Variants in LSAMP observed in about 807,000 individuals in gnomAD.
LSAMP encodes the protein limbic system-associated membrane protein.
LSAMP carries 7 observed loss-of-function variants against 38.6 expected under a neutral mutation model. The observed-to-expected ratio is 0.18, with a 90% CI of 0.10 to 0.34. LSAMP has a LOEUF of 0.34. Among genes scored for constraint, LSAMP ranks in the 10% least tolerant of loss-of-function variants. The pLI is 1.00. For synonymous variants in LSAMP, 154 were observed against 166.8 expected (o/e 0.92, Z 0.59); for missense variants, 313 against 420.0 (o/e 0.75, Z 2.23).
At chr3:115,964,582 A>T (rs1200416917) in intron 3 of LSAMP, among the ~76,000 whole-genome samples, 3 of 152,190 alleles carry the variant, frequency 2.0e-5, no homozygotes, top group Non-Finnish European at 4.4e-5. Flanking sequence ...AAGTACAAAA[A>T]CTAGCAGGAA....
intron 1 of LSAMP, among the ~76,000 whole-genome samples, chr3:116,366,013 TAAAAAA>T (rs67452614): frequency 1.4e-4 from 4 of 28,686 alleles, no homozygotes; most frequent in Non-Finnish European, 1.8e-4. Context: ...TAGAGTATAA[TAAAAAA>T]AAAAAAAAAA....
chr3:115,831,469 A>G (rs1934608862), intron 6 of LSAMP, among the ~76,000 whole-genome samples: 1 of 152,156 alleles, frequency 6.6e-6, no homozygotes, highest in African/African-American at 2.4e-5. Context: ...GCTGGTTTCA[A>G]CACTTCATTC....
chr3:116,243,339 A>C (rs2046563936), intron 1 of LSAMP, among the ~76,000 whole-genome samples: 1 of 152,208 alleles, frequency 6.6e-6, no homozygotes, highest in African/African-American at 2.4e-5. Context: ...TGGGAACCAA[A>C]GACATGAAAG....
intron 3 of LSAMP, among the ~76,000 whole-genome samples, chr3:115,876,433 T>C (rs60599111): frequency 0.19 from 29,140 of 151,588 alleles, 3,643 homozygotes; most frequent in African/African-American, 0.34. Context: ...AAGAAATGAG[T>C]GTGTATTGGT....
intron 3 of LSAMP, among the ~76,000 whole-genome samples, chr3:115,901,519 T>C (rs1936873832): frequency 6.6e-6 from 1 of 152,134 alleles, no homozygotes; most frequent in Non-Finnish European, 1.5e-5. Flanking sequence ...ACCCAACTTT[T>C]TGTTCTACTC....
At chr3:116,267,246 A>C (rs1217221867) in intron 1 of LSAMP, among the ~76,000 whole-genome samples, 1 of 152,176 alleles carries the variant, frequency 6.6e-6, no homozygotes, top group Non-Finnish European at 1.5e-5. Context: ...AATGTTAGAA[A>C]TGTAAGTGAA....
At chr3:116,430,211 GAT>G (rs1179621335) in intron 1 of LSAMP, among the ~76,000 whole-genome samples, 15 of 152,230 alleles carry the variant, frequency 9.9e-5, no homozygotes, top group Middle Eastern at 3.4e-3. Flanking sequence ...CCTCTCTTTT[GAT>G]ATGTTTGCAA....
intron 1 of LSAMP, among the ~76,000 whole-genome samples, chr3:116,143,400 T>C (rs1389462746): frequency 1.3e-5 from 2 of 151,958 alleles, no homozygotes; most frequent in African/African-American, 4.8e-5. Context: ...TACTACTTAA[T>C]AGCACAACAG....
intron 1 of LSAMP, among the ~76,000 whole-genome samples, chr3:116,280,786 TG>T (rs2047117413): frequency 1.3e-5 from 2 of 152,200 alleles, no homozygotes; most frequent in South Asian, 4.1e-4. Context: ...CTCTAGCCAG[TG>T]AAAGTGGCCA....
intron 3 of LSAMP, among the ~76,000 whole-genome samples, chr3:115,907,706 GT>G (rs1215434977): frequency 6.6e-6 from 1 of 152,110 alleles, no homozygotes; most frequent in Admixed American, 6.6e-5. Context: ...TTGAGAAATG[GT>G]TTATGAGTCT....
intron 1 of LSAMP, among the ~76,000 whole-genome samples, chr3:116,230,686 G>A (rs558635065): frequency 8.5e-5 from 13 of 152,182 alleles, no homozygotes; most frequent in African/African-American, 2.4e-4. Flanking sequence ...TTGTTGAAAT[G>A]TTCACCAATT....
chr3:116,124,446 T>C (rs1374110286), intron 1 of LSAMP, among the ~76,000 whole-genome samples: 2 of 152,206 alleles, frequency 1.3e-5, no homozygotes, highest in Middle Eastern at 3.2e-3. Flanking sequence ...TCTCAAACTT[T>C]GAAAAGTTGA....
chr3:116,308,021 C>T (rs1015074458), intron 1 of LSAMP, among the ~76,000 whole-genome samples: 3 of 151,844 alleles, frequency 2.0e-5, no homozygotes, highest in Non-Finnish European at 4.4e-5. Flanking sequence ...TTAATGCATT[C>T]GTAAAATGCC....
At chr3:115,813,337 A>G (rs1466156645) in intron 6 of LSAMP, among the ~76,000 whole-genome samples, 1 of 152,134 alleles carries the variant, frequency 6.6e-6, no homozygotes, top group East Asian at 1.9e-4. Flanking sequence ...TCTCTATAGT[A>G]ACATGCTTAC....
intron 1 of LSAMP, among the ~76,000 whole-genome samples, chr3:116,312,781 A>T (rs2047574434): frequency 6.6e-6 from 1 of 152,198 alleles, no homozygotes; most frequent in Admixed American, 6.5e-5. Context: ...AATGAAAACA[A>T]GAGAATAATG....
intron 3 of LSAMP, among the ~76,000 whole-genome samples, chr3:115,974,820 A>C (rs1185978901): frequency 1.3e-5 from 2 of 152,138 alleles, no homozygotes; most frequent in Non-Finnish European, 2.9e-5. Flanking sequence ...TAAGATAAAA[A>C]GTCTAATGGT....
At chr3:116,134,309 A>G (rs1167944141) in intron 1 of LSAMP, among the ~76,000 whole-genome samples, 1 of 152,180 alleles carries the variant, frequency 6.6e-6, no homozygotes, top group Non-Finnish European at 1.5e-5. Context: ...ACATGTCTGT[A>G]ACTTTATTAT....
chr3:116,014,223 T>C (rs753381226), intron 3 of LSAMP, among the ~76,000 whole-genome samples: 10 of 152,196 alleles, frequency 6.6e-5, no homozygotes, highest in Non-Finnish European at 1.0e-4. Flanking sequence ...ATTAGTTTAA[T>C]GCTTTGCTTT....
intron 1 of LSAMP, among the ~76,000 whole-genome samples, chr3:116,189,962 T>G (rs1447259480): frequency 1.3e-5 from 2 of 152,164 alleles, no homozygotes; most frequent in Non-Finnish European, 2.9e-5. Flanking sequence ...ACAATGCATA[T>G]ATACATCAAA....
Sources: allele counts gnomAD v4.1 joint callset (sites outside exome capture counted in the v4.1 genomes callset), GRCh38; gene constraint gnomAD v4.1.1; transcripts MANE v1.5; gene names NCBI Gene and HGNC (gene_info 2026-07-23, HGNC 2026-07-21).